The following CNTNAP3B variants were observed in gnomAD, a reference collection of about 807,000 sequenced individuals.
The protein encoded by CNTNAP3B is contactin-associated protein-like 3B.
A neutral mutation model predicts 108.9 loss-of-function variants in CNTNAP3B; 25 were observed. The ratio of observed to expected loss-of-function variants is 0.23; its 90% confidence interval spans 0.17 to 0.32. The LOEUF is 0.32. Ranked by LOEUF, CNTNAP3B falls within the 10% of genes least tolerant of loss-of-function variation. CNTNAP3B has a pLI of 1.00. For missense variants in CNTNAP3B, 252 were observed against 1,210.4 expected (o/e 0.21, Z 11.75); for synonymous variants, 103 against 473.4 (o/e 0.22, Z 10.16).
intron 10 of CNTNAP3B, among the ~76,000 whole-genome samples, chr9:41,965,076 G>T (rs1383846281): frequency 6.6e-6 from 1 of 152,284 alleles, no homozygotes; most frequent in Non-Finnish European, 1.5e-5. Context: ...AGTGACAGAG[G>T]TTCAGAAATT....
Position 41,940,547 on chromosome 9 carries a change from C to A in CNTNAP3B, c.2081-2147G>T, listed in dbSNP as rs1207272575. On this transcript the variant is annotated intron_variant, in intron 13 of 23. Transcript: ENST00000377561. ...AAATAAAATCTTTTTAGGCCGGGTG[C>A]GGTGGCTCACGCCTGTAATCCCAGC... Among the ~76,000 whole-genome samples, 1,507 of 150,436 alleles carry A rather than the reference C, an allele frequency of 0.01. 13 individuals carry two copies. In the East Asian group the frequency reaches 0.17, roughly 17 times the overall value.
At chr9:41,940,543 G>T (rs1475698941) in intron 13 of CNTNAP3B, among the ~76,000 whole-genome samples, 1 of 152,276 alleles carries the variant, frequency 6.6e-6, no homozygotes, top group Non-Finnish European at 1.5e-5. Flanking sequence ...TTTTAGGCCG[G>T]GTGCGGTGGC....
At chr9:42,064,746 GC>G (rs1247489064) in intron 3 of CNTNAP3B, among the ~76,000 whole-genome samples, 2 of 134,988 alleles carry the variant, frequency 1.5e-5, no homozygotes, top group Non-Finnish European at 3.1e-5. Context: ...TGGGATAATG[GC>G]CCCCAACTGC....
intron 2 of CNTNAP3B, among the ~76,000 whole-genome samples, chr9:42,096,426 G>A (rs1335646127): frequency 7.2e-6 from 1 of 139,698 alleles, no homozygotes; most frequent in Non-Finnish European, 1.5e-5. Flanking sequence ...ACCAAAAGAT[G>A]CTTTTGGACT....
chr9:42,119,167 C>T, intron 1 of CNTNAP3B, among the ~76,000 whole-genome samples: 1 of 98,192 alleles, frequency 1.0e-5, no homozygotes. Flanking sequence ...AAATCACAAG[C>T]ATTCTTATAC....
chr9:41,969,720 C>A (rs1436101525), intron 10 of CNTNAP3B, among the ~76,000 whole-genome samples: 42 of 149,492 alleles, frequency 2.8e-4, no homozygotes, highest in Admixed American at 6.0e-4. Flanking sequence ...CGGGTTCATG[C>A]CATTCTCCTG....
intron 13 of CNTNAP3B, among the ~76,000 whole-genome samples, chr9:41,943,806 G>T (rs879465881): frequency 6.6e-5 from 10 of 152,222 alleles, no homozygotes; most frequent in Non-Finnish European, 1.3e-4. Flanking sequence ...ATAGGTTCAG[G>T]AATCTCAGCA....
At chr9:42,033,396 C>T (rs1312820190) in intron 3 of CNTNAP3B, among the ~76,000 whole-genome samples, 81 of 145,698 alleles carry the variant, frequency 5.6e-4, no homozygotes, top group African/African-American at 1.8e-3. Context: ...GTGGTACCTA[C>T]GTATTTTACT....
At chr9:41,997,956 T>A (rs1825936079) in intron 5 of CNTNAP3B, among the ~76,000 whole-genome samples, 1 of 96,738 alleles carries the variant, frequency 1.0e-5, no homozygotes, top group Non-Finnish European at 2.0e-5. Flanking sequence ...TTAGTATTTT[T>A]TCTATTACTC....
chr9:42,072,945 C>T lies in CNTNAP3B; in HGVS notation c.390+3924G>A, dbSNP rs1277074928. 2.9e-5 allele frequency among the ~76,000 whole-genome samples: 4 copies of T among 138,548 alleles called. 1 individual carries two copies. The highest frequency in any genetic ancestry group is 5.8e-5 in the African/African-American group (2 of 34,778). The allele number at this position is 138,548 out of a possible 152,430, so 90.9% of individuals were successfully genotyped here. On this transcript the variant is annotated intron_variant, in intron 3 of 23. Coordinates refer to ENST00000377561, the MANE Select transcript of CNTNAP3B (RefSeq NM_001201380.3). ...ATATGTTACTATTTTTGCAATAAAA[C>T]ATATGAATATTCACATTAAGCAGAG...
chr9:41,957,771 G>T (rs539893436), intron 12 of CNTNAP3B, among the ~76,000 whole-genome samples: 190 of 152,234 alleles, frequency 1.2e-3, no homozygotes, highest in South Asian at 4.1e-3. Flanking sequence ...TTGTTTTTTG[G>T]TTTTTTTGAG....
chr9:42,004,789 CT>C (rs1462676805), intron 4 of CNTNAP3B, among the ~76,000 whole-genome samples: 1 of 118,996 alleles, frequency 8.4e-6, no homozygotes, highest in African/African-American at 2.9e-5. Flanking sequence ...TATTGGGATT[CT>C]GTAGATCAAT....
At chr9:42,125,676 T>G (rs1159757233) in intron 1 of CNTNAP3B, among the ~76,000 whole-genome samples, 1 of 133,704 alleles carries the variant, frequency 7.5e-6, no homozygotes, top group Non-Finnish European at 1.6e-5. Context: ...TTTTTTTTTT[T>G]TTGTTTTTTT....
chr9:41,954,399 C>G (rs777939604), intron 12 of CNTNAP3B, among the ~76,000 whole-genome samples: 94 of 146,724 alleles, frequency 6.4e-4, no homozygotes, highest in Non-Finnish European at 9.9e-4. Flanking sequence ...TACTTACACA[C>G]GCCTAACAAC....
At chr9:41,921,466 G>T (rs1454346767) in intron 17 of CNTNAP3B, among the ~76,000 whole-genome samples, 3 of 149,436 alleles carry the variant, frequency 2.0e-5, no homozygotes, top group Non-Finnish European at 4.5e-5. Context: ...CCTGGAAGTT[G>T]TATCTACCCT....
At chr9:41,934,810 A>G (rs1824104642) in intron 14 of CNTNAP3B, among the ~76,000 whole-genome samples, 1 of 152,282 alleles carries the variant, frequency 6.6e-6, no homozygotes, top group Non-Finnish European at 1.5e-5. Context: ...TGGTTTTTAA[A>G]TGAACAGAGT....
rs755417300 is a variant in CNTNAP3B at position 42,129,130 on chromosome 9, G to A, written c.-36C>T. 12 of 1,529,260 alleles carry A rather than the reference G, an allele frequency of 7.8e-6. No individual in the cohort carries two copies. Among genetic ancestry groups the A allele is most frequent in the Admixed American group, 7.2e-5 (4 of 55,378 alleles). 94.7% of individuals were successfully genotyped at this position (1,529,260 alleles called of 1,614,324 possible). A position where few individuals can be genotyped will look rare whatever the true frequency, so the allele number is the denominator to read the frequency against. ...GCCAGGCGCCCTGAGACCCGGGCAC[G>A]GCGACGGCCGCTCTGCGTCGTTCCT... On this transcript the variant is annotated 5_prime_UTR_variant, in exon 1 of 24. Coordinates refer to ENST00000377561, the MANE Select transcript of CNTNAP3B (RefSeq NM_001201380.3).
At chr9:42,088,660 T>C (rs1400471080) in intron 2 of CNTNAP3B, among the ~76,000 whole-genome samples, 3 of 138,300 alleles carry the variant, frequency 2.2e-5, no homozygotes, top group Non-Finnish European at 4.6e-5. Flanking sequence ...CACATTGTCA[T>C]ATGCTACAAA....
At chr9:42,108,891 A>G (rs1164157655) in intron 1 of CNTNAP3B, among the ~76,000 whole-genome samples, 2 of 140,248 alleles carry the variant, frequency 1.4e-5, no homozygotes, top group Admixed American at 7.1e-5. Flanking sequence ...ATTTCTTAGT[A>G]TTATGTTCAT....
Sources: allele counts gnomAD v4.1 joint callset (sites outside exome capture counted in the v4.1 genomes callset), GRCh38; gene constraint gnomAD v4.1.1; transcripts MANE v1.5; gene names NCBI Gene and HGNC (gene_info 2026-07-23, HGNC 2026-07-21).